PNKP: variants seen among roughly 807,000 people sequenced by gnomAD.
PNKP encodes the protein bifunctional polynucleotide phosphatase/kinase.
Under a neutral mutation model 66.2 loss-of-function variants are expected in PNKP, and 82 were observed. The observed-to-expected ratio is 1.24, with a 90% CI of 1.04 to 1.49. PNKP has a LOEUF of 1.49. PNKP is among the 40% of genes most tolerant of loss of function. The pLI is 0.00. For missense variants in PNKP, 907 were observed against 706.8 expected (o/e 1.28, Z -3.21); for synonymous variants, 412 against 298.9 (o/e 1.38, Z -3.90).
chr19:49,864,122 T>C, intron 6 of PNKP, 51 bp from the exon 7 acceptor site: 1 of 1,607,764 alleles, frequency 6.2e-7, no homozygotes, highest in Non-Finnish European at 8.5e-7. Flanking sequence ...GGCCTTGGTC[T>C]GACTGCGGTC....
intron 3 of PNKP, chr19:49,866,187 G>A (rs1015752017): frequency 1.8e-5 from 11 of 597,376 alleles, no homozygotes; most frequent in Admixed American, 7.6e-5. Context: ...TTTTTAGAGA[G>A]ACAGGTTTCA....
chr19:49,861,467 A>T lies in PNKP; in HGVS notation c.1430T>A (p.Met477Lys). ...TDSSHIPVSD[M>K]VMYGYRKQFE... is the part of the protein sequence containing the mutation. The stretch of plus-strand genomic sequence containing the variant: ...ACAGTACCTGTAGCCATACATGACC[A>T]TGTCTGACACGGGGATATGAGAGGA... The change falls in exon 16 of 17, where the codon ATG becomes AAG. Residue 477 changes from methionine to lysine, a missense_variant. Transcript: ENST00000322344. The T allele has an allele frequency of 6.3e-7, 1 of 1,593,470 alleles. No homozygotes were observed. The highest frequency in any genetic ancestry group is 2.3e-5 in the East Asian group (1 of 43,524).
chr19:49,867,324 CG>C lies in PNKP; in HGVS notation c.-13-108del, dbSNP rs1306728332. 7.6e-6 allele frequency: 9 copies of C among 1,180,114 alleles called. No individual in the cohort carries two copies. In the African/African-American group the frequency reaches 1.2e-4, roughly 16 times the overall value. The allele number at this position is 1,180,114 out of a possible 1,614,324, so 73.1% of individuals were successfully genotyped here. A position where few individuals can be genotyped will look rare whatever the true frequency, so the allele number is the denominator to read the frequency against. On this transcript the variant is annotated intron_variant, in intron 1 of 16. Coordinates refer to ENST00000322344, the MANE Select transcript of PNKP (RefSeq NM_007254.4). ...AAAGTTTCCCCACCATTAACTGCTCCGGAAGTCCCACCCGCTCGCCTTCCGC... is the reference window on the plus strand; with the variant it reads ...AAAGTTTCCCCACCATTAACTGCTCCGAAGTCCCACCCGCTCGCCTTCCGC...
rs138249970 is a variant in PNKP at position 49,861,507 on chromosome 19, G to T, written c.1390C>A (p.Arg464=). ...ATATGAGAGGAGTCCGTCATCTCTCGAAACTGTGGGGAACATCAGAGGGGC... is the reference window on the plus strand; with the variant it reads ...ATATGAGAGGAGTCCGTCATCTCTCTAAACTGTGGGGAACATCAGAGGGGC... ...LEQARHNNRF[R]EMTDSSHIPV... Residue 464 remains arginine, a synonymous_variant, in exon 16 of 17, where the codon CGA becomes AGA. Transcript: ENST00000322344. 4.5e-6 allele frequency: 7 copies of T among 1,554,714 alleles called. No individual in the cohort carries two copies. The East Asian group carries it at 1.5e-4, about 33-fold the overall frequency.
rs1485469964 is a variant in PNKP at position 49,861,288 on chromosome 19, G to C, written c.1526C>G (p.Pro509Arg). ...LEIPFRLWVEPRLGRLYCQFS... is the reference protein window; with the variant it reads ...LEIPFRLWVERRLGRLYCQFS... ...CTGGCAGTACAGCCGCCCCAGCCTC[G>C]GCTCCACCCATAGCCGGAACGGGAT... The change falls in exon 17 of 17, where the codon CCG becomes CGG. Residue 509 changes from proline (P) to arginine (R), a missense_variant. Pro to Arg is a moderately radical substitution (Grantham distance 103). Coordinates refer to ENST00000322344, the MANE Select transcript of PNKP (RefSeq NM_007254.4). 3 of 1,613,784 alleles carry C rather than the reference G, an allele frequency of 1.9e-6. No homozygotes were observed. The highest frequency in any genetic ancestry group is 1.3e-5 in the African/African-American group (1 of 74,894).
At chr19:49,866,277 G>A (rs959048040) in intron 3 of PNKP, 122 bp downstream of exon 3, 17 of 946,282 alleles carry the variant, frequency 1.8e-5, no homozygotes, top group African/African-American at 1.6e-4. Flanking sequence ...TGGGATTACA[G>A]GCTTGAGCCA....
At position 49,861,691 on chromosome 19, in the gene PNKP, C is replaced by G; in HGVS notation, c.1303G>C (p.Val435Leu). ...NPDAASRARY[V>L]QCARAAGVPC... Reference sequence around the variant, plus strand: ...ACGCCCGCGGCTCGGGCACACTGGACGTACCTGTGGGGGAAGGAGCTGGAT... The same window carrying G: ...ACGCCCGCGGCTCGGGCACACTGGAGGTACCTGTGGGGGAAGGAGCTGGAT... Residue 435 changes from valine (V) to leucine (L), a missense_variant, in exon 15 of 17, where the codon GTC (valine) becomes CTC (leucine). Physicochemically the swap from Val to Leu is conservative, Grantham distance 32 (BLOSUM62 1). Coordinates refer to ENST00000322344, the MANE Select transcript of PNKP (RefSeq NM_007254.4). The G allele has an allele frequency of 6.5e-7, 1 of 1,547,572 alleles. No homozygotes were observed. The highest frequency in any genetic ancestry group is 8.7e-7 in the Non-Finnish European group (1 of 1,146,250).
intron 15 of PNKP, 21 bp downstream of exon 15, chr19:49,861,587 G>GCA: frequency 6.4e-7 from 1 of 1,560,800 alleles, no homozygotes. Flanking sequence ...CCCGGGGGGT[G>GCA]TCCGGGCTGA....
At chr19:49,866,555 G>A in intron 2 of PNKP, 110 bp from the exon 3 acceptor site, 1 of 1,027,098 alleles carries the variant, frequency 9.7e-7, no homozygotes, top group Non-Finnish European at 1.5e-6. Context: ...GTAAGAGGCA[G>A]TTTATTTCTA....
At chr19:49,866,548 A>G in intron 2 of PNKP, 103 bp from the exon 3 acceptor site, 1 of 1,102,650 alleles carries the variant, frequency 9.1e-7, no homozygotes, top group Non-Finnish European at 1.4e-6. Context: ...CCAGGGAGTA[A>G]GAGGCAGTTT....
chr19:49,865,570 AACGGTT>A, intron 3 of PNKP, 144 bp from the exon 4 acceptor site: 1 of 612,550 alleles, frequency 1.6e-6, no homozygotes, highest in East Asian at 2.8e-5. Context: ...CGGGCTTTGG[AACGGTT>A]ACAGGTTTTC....
In PNKP at chr19:49,861,521, C is replaced by T. The variant is rs200785744; in HGVS notation, c.1387-11G>A. On this transcript the variant is annotated splice_polypyrimidine_tract_variant and intron_variant, in intron 15 of 16. Coordinates refer to ENST00000322344, the MANE Select transcript of PNKP (RefSeq NM_007254.4). The stretch of plus-strand genomic sequence containing the variant: ...CGTCATCTCTCGAAACTGTGGGGAA[C>T]ATCAGAGGGGCGGCAGGCCCAGGGG... 103 of 1,595,104 alleles carry T rather than the reference C, an allele frequency of 6.5e-5. No homozygotes were observed. In the East Asian group the frequency reaches 2.2e-3, roughly 34 times the overall value.
chr19:49,866,908 CTT>C, intron 2 of PNKP, 144 bp downstream of exon 2: 2 of 837,424 alleles, frequency 2.4e-6, no homozygotes, highest in South Asian at 1.3e-5. Flanking sequence ...CAAGCACAAA[CTT>C]TATCTTCCTG....
chr19:49,862,104 G>A lies in PNKP; in HGVS notation c.1128C>T (p.Ala376=), dbSNP rs748929352. The part of the protein sequence containing the change: ...EVVVAVGFPG[A]GKSTFLKKHL... ...GCTTCTTGAGAAAGGTGGACTTCCC[G>A]GCTGTGTGGGGGGCAGTGTCGGTGG... Residue 376 remains alanine (A), a splice_region_variant and synonymous_variant, in exon 13 of 17, where the codon GCC becomes GCT. Coordinates refer to ENST00000322344, the MANE Select transcript of PNKP (RefSeq NM_007254.4). 3.7e-6 allele frequency: 6 copies of A among 1,614,154 alleles called. No homozygotes were observed. The highest frequency in any genetic ancestry group is 1.3e-5 in the African/African-American group (1 of 75,036).
Position 49,862,315 on chromosome 19 carries a change from T to G in PNKP, c.1030-34A>C, listed in dbSNP as rs3739201. The G allele has an allele frequency of 7.6e-4, 1,174 of 1,544,386 alleles. 8 individuals carry two copies. In the African/African-American group the frequency reaches 0.013, roughly 18 times the overall value. On this transcript the variant is annotated intron_variant, in intron 11 of 16. Transcript: ENST00000322344. Reference sequence around the variant, plus strand: ...GGCGGGGGACACGCGTGAGATGCCGTCCCCATCCCCGGGAGCCCTCCCATC... The same window carrying G: ...GGCGGGGGACACGCGTGAGATGCCGGCCCCATCCCCGGGAGCCCTCCCATC...
intron 8 of PNKP, among the ~76,000 whole-genome samples, chr19:49,862,999 T>C (rs1415633649): frequency 6.6e-6 from 1 of 151,264 alleles, no homozygotes; most frequent in African/African-American, 2.4e-5. Context: ...GCACCCACCC[T>C]GCTACAGCTC....
rs745968911 is a variant in PNKP, at chr19:49,862,380, G to A, written c.1020C>T (p.Ala340=). ...KWPAAGFELP[A]FDPRTVSRSG... is the part of the protein sequence containing the mutation. Reference sequence around the variant, plus strand: ...CGCCCCAGGGCCTCACCGGATCAAAGGCTGGGAGCTCGAAGCCGGCTGCTG... The same window carrying A: ...CGCCCCAGGGCCTCACCGGATCAAAAGCTGGGAGCTCGAAGCCGGCTGCTG... The change falls in exon 11 of 17, where the codon GCC becomes GCT. Residue 340 remains alanine, a synonymous_variant. Transcript: ENST00000322344. The A allele has an allele frequency of 2.7e-6, 4 of 1,482,320 alleles. 1 individual carries two copies. The highest frequency in any genetic ancestry group is 2.4e-5 in the South Asian group (2 of 82,824). 91.8% of individuals were successfully genotyped at this position (1,482,320 alleles called of 1,614,324 possible).
Position 49,865,402 on chromosome 19 carries a change from C to T in PNKP, c.223G>A (p.Gly75Arg), listed in dbSNP as rs1483615874. Residue 75 changes from glycine (G) to arginine (R), a missense_variant, in exon 4 of 17, where the codon GGG (glycine) becomes AGG (arginine). Transcript: ENST00000322344. ...KQLGVNPSTT[G>R]TQELKPGLEG... ...AACCCCGGCTTCAACTCCTGGGTCC[C>T]GGTAGTTGAGGGGTTAACTCCCAGC... is the stretch of plus-strand genomic sequence containing the variant. 3 of 1,610,646 alleles carry T rather than the reference C, an allele frequency of 1.9e-6. No homozygotes were observed. Among genetic ancestry groups the T allele is most frequent in the Middle Eastern group, 3.5e-4 (2 of 5,712 alleles).
intron 1 of PNKP, 125 bp downstream of exon 1, chr19:49,867,344 C>A: frequency 9.8e-7 from 1 of 1,019,842 alleles, no homozygotes; most frequent in Non-Finnish European, 1.4e-6. Context: ...ACCCGCTCGC[C>A]TTCCGCGGGT....
Sources: gnomAD v4.1 joint callset for allele counts (sites outside exome capture counted in the v4.1 genomes callset) on GRCh38, gnomAD v4.1.1 for gene constraint, MANE v1.5 for transcripts, NCBI Gene and HGNC (gene_info 2026-07-23, HGNC 2026-07-21) for gene names.